The following L1CAM variants were observed in gnomAD, a reference collection of about 807,000 sequenced individuals.
The protein encoded by L1CAM is neural cell adhesion molecule L1.
Under a neutral mutation model 93.0 loss-of-function variants are expected in L1CAM, and 8 were observed. The observed-to-expected ratio is 0.09, with a 90% CI of 0.05 to 0.16. The LOEUF (loss-of-function observed/expected upper bound fraction) is 0.16, where lower values mean the gene tolerates loss of function less well. L1CAM is among the 10% of genes least tolerant of loss of function. The probability of loss-of-function intolerance (pLI) is 1.00; values close to 1 mark genes in which losing one functional copy is unlikely to be tolerated. For missense variants in L1CAM, 777 were observed against 1,073.4 expected (o/e 0.72, Z 3.86); for synonymous variants, 453 against 453.0 (o/e 1.00, Z 0.00).
intron 18 of L1CAM, 90 bp downstream of exon 18, chrX:153,866,964 A>T: frequency 8.9e-7 from 1 of 1,124,662 alleles, no homozygotes; most frequent in Non-Finnish European, 1.2e-6. Flanking sequence ...CCCAGACATC[A>T]GCCCCTTCCT....
chrX:153,867,619 G>T (rs2064726209), intron 16 of L1CAM, 66 bp from the exon 17 acceptor site: 1 of 1,062,208 alleles, frequency 9.4e-7, no homozygotes, highest in Admixed American at 2.2e-5. Context: ...CTGTGGAGGG[G>T]TTGGGTACAG....
chrX:153,881,554 G>A (rs782122108), intron 1 of L1CAM, among the ~76,000 whole-genome samples: 61 of 111,922 alleles, frequency 5.5e-4, no homozygotes, highest in African/African-American at 1.8e-3. Flanking sequence ...GCACAGAGCT[G>A]AAGCCCGACA....
intron 1 of L1CAM, chrX:153,876,269 C>T: frequency 3.0e-6 from 1 of 334,417 alleles, no homozygotes; most frequent in Non-Finnish European, 5.3e-6. Flanking sequence ...TGCACATCCC[C>T]GTATGTGTCT....
At chrX:153,869,209 A>G (rs1557092155) in intron 11 of L1CAM, 1 of 447,740 alleles carries the variant, frequency 2.2e-6, no homozygotes, top group Non-Finnish European at 3.9e-6. Flanking sequence ...CTCTCCCCAG[A>G]AGCCTTCCTG....
intron 3 of L1CAM, chrX:153,872,941 C>T (rs1277834509): frequency 8.9e-6 from 4 of 447,997 alleles, no homozygotes; most frequent in South Asian, 3.3e-5. Context: ...CAGAAAGAAG[C>T]GGGGGCAACA....
At chrX:153,884,411 G>A in intron 1 of L1CAM, 1 of 290,606 alleles carries the variant, frequency 3.4e-6, no homozygotes, top group South Asian at 3.6e-5. Context: ...TAGCAAACCA[G>A]GGAGGCTGGG....
intron 17 of L1CAM, 73 bp downstream of exon 17, chrX:153,867,283 C>A (rs1325959519): frequency 9.5e-6 from 10 of 1,048,062 alleles, no homozygotes; most frequent in Non-Finnish European, 1.2e-5. Context: ...GGGCATGGCA[C>A]CTCTCTAAGC....
At chrX:153,866,525 G>T (rs1002969589) in intron 19 of L1CAM, 124 bp downstream of exon 19, 4 of 498,444 alleles carry the variant, frequency 8.0e-6, no homozygotes, top group Non-Finnish European at 1.4e-5. Context: ...ACGTCGCTCT[G>T]GTTATGTAAG....
rs34384910 is a variant in L1CAM, at chrX:153,877,287, CAAAAAAAAAAAA to C, written c.-108-1355_-108-1344del. Among the ~76,000 whole-genome samples, 127 of 12,797 alleles carry C rather than the reference CAAAAAAAAAAAA, an allele frequency of 9.9e-3. 1 individual carries two copies. The highest frequency in any genetic ancestry group is 0.022 in the African/African-American group (116 of 5,216). 11.1% of individuals were successfully genotyped at this position (12,797 alleles called of 115,157 possible). ...TGAAATCCTGTCTCTACTAAAAATA[CAAAAAAAAAAAA>C]AAAAAAAAAAAAAAAAGCCAGGCGT... is the stretch of plus-strand genomic sequence containing the variant. On this transcript the variant is annotated intron_variant, in intron 1 of 28. Transcript: ENST00000370060.
intron 1 of L1CAM, chrX:153,885,462 G>A: frequency 3.2e-6 from 3 of 939,515 alleles, no homozygotes; most frequent in South Asian, 2.0e-5. Context: ...CCCAGGCTGG[G>A]ATTTGGAAAG....
intron 5 of L1CAM, 80 bp from the exon 6 acceptor site, chrX:153,871,259 G>A (rs1055515967): frequency 4.7e-6 from 4 of 850,585 alleles, no homozygotes; most frequent in South Asian, 2.2e-5. Context: ...GGGCAGGGGG[G>A]TGGCGGGCTA....
At chrX:153,863,836 C>T (rs1480491082) in intron 26 of L1CAM, 47 bp downstream of exon 26, 1 of 1,208,686 alleles carries the variant, frequency 8.3e-7, no homozygotes, top group Non-Finnish European at 1.1e-6. Flanking sequence ...CGAGGTGCTC[C>T]TCTCTGCCCT....
chrX:153,877,089 C>G (rs183388727), intron 1 of L1CAM, among the ~76,000 whole-genome samples: 115 of 108,167 alleles, frequency 1.1e-3, no homozygotes, highest in African/African-American at 3.8e-3. Context: ...GGGTGGATCA[C>G]CTGAAGTCAG....
At chrX:153,872,951 A>G (rs1362245026) in intron 3 of L1CAM, 2 of 449,596 alleles carry the variant, frequency 4.4e-6, no homozygotes, top group Non-Finnish European at 7.7e-6. Context: ...CGGGGGCAAC[A>G]AAAGCCAAGA....
rs1274504139 is a variant in L1CAM, at chrX:153,875,429, G to GTGGGGCGGGCAGAGA, written c.76+317_76+331dup. Among the ~76,000 whole-genome samples, 700 of 111,906 alleles carry GTGGGGCGGGCAGAGA rather than the reference G, an allele frequency of 6.3e-3. 8 individuals carry two copies. Among genetic ancestry groups the GTGGGGCGGGCAGAGA allele is most frequent in the African/African-American group, 0.022 (670 of 30,663 alleles). ...GGGGGATGGAAGCGGAGGAGTCGGA[G>GTGGGGCGGGCAGAGA]TGGGGCGGGCAGAGATGGGGCGGGC... On this transcript the variant is annotated intron_variant, in intron 2 of 28. Coordinates refer to ENST00000370060, the MANE Select transcript of L1CAM (RefSeq NM_001278116.2).
At chrX:153,869,962 G>T in intron 9 of L1CAM, 28 bp from the exon 10 acceptor site, 2 of 1,209,614 alleles carry the variant, frequency 1.7e-6, no homozygotes, top group Non-Finnish European at 2.2e-6. Flanking sequence ...GCCGCCCTGA[G>T]CCCGCAGCCA....
intron 1 of L1CAM, chrX:153,883,662 G>C (rs193118116): frequency 0.094 from 28,832 of 306,284 alleles, 2,259 homozygotes; most frequent in African/African-American, 0.37. Flanking sequence ...TCTGAACCAC[G>C]AGGGAGGGAG....
rs782563391 is a variant in L1CAM, at chrX:153,875,730, G to A, written c.76+31C>T. On this transcript the variant is annotated intron_variant, in intron 2 of 28. Coordinates refer to ENST00000370060, the MANE Select transcript of L1CAM (RefSeq NM_001278116.2). ...AGAGGGGCCCAACATAGCGGCGAAG[G>A]TAGGCGCCCAGGCTCCCTTCAGCTA... 2.6e-6 allele frequency: 3 copies of A among 1,172,893 alleles called. No individual in the cohort carries two copies. In the African/African-American group the frequency reaches 5.3e-5, roughly 21 times the overall value.
intron 24 of L1CAM, 54 bp from the exon 25 acceptor site, chrX:153,864,531 T>A (rs2064693795): frequency 3.3e-6 from 4 of 1,208,195 alleles, no homozygotes; most frequent in Non-Finnish European, 4.5e-6. Flanking sequence ...AGGCAACCCC[T>A]CTGGCCCAGA....
Sources: gnomAD v4.1 joint callset for allele counts (sites outside exome capture counted in the v4.1 genomes callset) on GRCh38, gnomAD v4.1.1 for gene constraint, MANE v1.5 for transcripts, NCBI Gene and HGNC (gene_info 2026-07-23, HGNC 2026-07-21) for gene names.